Variants in GRP observed in about 807,000 individuals in gnomAD.
The protein encoded by GRP is gastrin-releasing peptide.
GRP carries 11 observed loss-of-function variants against 12.7 expected under a neutral mutation model. The observed-to-expected ratio is 0.87, with a 90% CI of 0.55 to 1.44. The LOEUF (loss-of-function observed/expected upper bound fraction) is 1.44, where lower values mean the gene tolerates loss of function less well. Among genes scored for constraint, GRP ranks in the 40% most tolerant of loss-of-function variants. The probability of loss-of-function intolerance (pLI) is 0.00; values close to 1 mark genes in which losing one functional copy is unlikely to be tolerated. For synonymous variants in GRP, 84 were observed against 77.7 expected (o/e 1.08, Z -0.43); for missense variants, 212 against 185.4 (o/e 1.14, Z -0.83).
chr18:59,225,739 A>T lies in GRP; in HGVS notation c.382+5A>T, dbSNP rs758884714. ...ATGTAGGTTCAAAAGGCAAAGGTAA[A>T]AGAAACATACATGCAAGATGGGGTG... On this transcript the variant is annotated splice_donor_5th_base_variant and intron_variant, in intron 2 of 2. Coordinates refer to ENST00000256857, the MANE Select transcript of GRP (RefSeq NM_002091.5). 6.2e-7 allele frequency: 1 copy of T among 1,613,430 alleles called. No homozygotes were observed. The highest frequency in any genetic ancestry group is 1.3e-5 in the African/African-American group (1 of 74,976).
chr18:59,223,399 C>G (rs1249824936), intron 1 of GRP, among the ~76,000 whole-genome samples: 1 of 152,220 alleles, frequency 6.6e-6, no homozygotes, highest in African/African-American at 2.4e-5. Flanking sequence ...CTCTCCTTAG[C>G]AACCAGTCTA....
At position 59,230,444 on chromosome 18, in the gene GRP, G is replaced by A; in HGVS notation, c.423G>A (p.Arg141=). ...CTCCAGGTTCTCAACGTGAAGGAAG[G>A]AACCCCCAGCTGAACCAGCAATGAT... ...LSAPGSQREG[R]NPQLNQQ is the part of the protein sequence containing the mutation. The change falls in exon 3 of 3, where the codon AGG becomes AGA. Residue 141 remains arginine, a synonymous_variant. Transcript: ENST00000256857. 6.3e-7 allele frequency: 1 copy of A among 1,589,000 alleles called. No individual in the cohort carries two copies.
In GRP at chr18:59,228,446, T is replaced by A. The variant is rs969443545; in HGVS notation, c.383-1958T>A. Among the ~76,000 whole-genome samples the A allele has an allele frequency of 3.0e-4, 46 of 152,204 alleles. 1 individual carries two copies. Among genetic ancestry groups the A allele is most frequent in the Non-Finnish European group, 1.5e-4 (10 of 68,042 alleles). On this transcript the variant is annotated intron_variant, in intron 2 of 2. Transcript: ENST00000256857. ...AATTAAAAACTATCTACATATGCTCTCCTCTCTCATTTTAGTAATAAAACA... is the reference window on the plus strand; with the variant it reads ...AATTAAAAACTATCTACATATGCTCACCTCTCTCATTTTAGTAATAAAACA...
At chr18:59,219,935 C>A (rs1237108709), upstream of GRP, among the ~76,000 whole-genome samples, 2 of 152,106 alleles carry the variant, frequency 1.3e-5, no homozygotes, top group African/African-American at 4.8e-5. Context: ...AGGAATTAAT[C>A]CGATGTGGGG....
intron 2 of GRP, among the ~76,000 whole-genome samples, chr18:59,229,455 T>A (rs943367413): frequency 6.6e-6 from 1 of 152,102 alleles, no homozygotes; most frequent in African/African-American, 2.4e-5. Flanking sequence ...GCAGCAGGCT[T>A]TAATAGGGCA....
chr18:59,227,427 T>C (rs948308958), intron 2 of GRP, among the ~76,000 whole-genome samples: 1 of 152,184 alleles, frequency 6.6e-6, no homozygotes, highest in Non-Finnish European at 1.5e-5. Context: ...GATCCCATAC[T>C]CTGAGGGTTC....
upstream of GRP, chr18:59,220,119 C>CCG: frequency 8.4e-5 from 33 of 390,752 alleles, no homozygotes; most frequent in Middle Eastern, 7.7e-4. Context: ...CCCCCCCGCC[C>CCG]GGGCTTCCAT....
chr18:59,224,223 AT>A (rs2069879118), intron 1 of GRP, among the ~76,000 whole-genome samples: 38 of 152,338 alleles, frequency 2.5e-4, no homozygotes, highest in Admixed American at 2.3e-3. Context: ...GCTTACATCT[AT>A]GTGACCTCTG....
At chr18:59,230,080 C>T (rs961018127) in intron 2 of GRP, among the ~76,000 whole-genome samples, 3 of 152,156 alleles carry the variant, frequency 2.0e-5, no homozygotes, top group African/African-American at 4.8e-5. Flanking sequence ...CCTGAGTAAT[C>T]ATATCAGGAT....
At chr18:59,219,532 A>T, upstream of GRP, among the ~76,000 whole-genome samples, 1 of 17,052 alleles carries the variant, frequency 5.9e-5, no homozygotes, top group East Asian at 2.5e-3. Flanking sequence ...AGGAGGGGAG[A>T]GGAGGGGAAG....
At chr18:59,228,739 T>G (rs1402795275) in intron 2 of GRP, among the ~76,000 whole-genome samples, 2 of 152,218 alleles carry the variant, frequency 1.3e-5, no homozygotes, top group African/African-American at 4.8e-5. Context: ...CCCCATGGTT[T>G]CTGCAACATG....
At position 59,230,448 on chromosome 18, in the gene GRP, C is replaced by A. The variant is rs1204800563; in HGVS notation, c.427C>A (p.Pro143Thr). Reference sequence around the variant, plus strand: ...AGGTTCTCAACGTGAAGGAAGGAACCCCCAGCTGAACCAGCAATGATAATG... The same window carrying A: ...AGGTTCTCAACGTGAAGGAAGGAACACCCAGCTGAACCAGCAATGATAATG... The part of the protein sequence containing the change: ...APGSQREGRN[P>T]QLNQQ The change falls in exon 3 of 3, where the codon CCC (proline) becomes ACC (threonine). Residue 143 changes from proline to threonine, a missense_variant. Physicochemically the swap from Pro to Thr is conservative, Grantham distance 38 (BLOSUM62 -1). Coordinates refer to ENST00000256857, the MANE Select transcript of GRP (RefSeq NM_002091.5). The A allele has an allele frequency of 6.3e-7, 1 of 1,594,580 alleles. No homozygotes were observed. Among genetic ancestry groups the A allele is most frequent in the Non-Finnish European group, 8.6e-7 (1 of 1,162,138 alleles).
At chr18:59,227,984 TA>T (rs145346957) in intron 2 of GRP, among the ~76,000 whole-genome samples, 7,126 of 152,150 alleles carry the variant, frequency 0.047, 308 homozygotes, top group African/African-American at 0.11. Context: ...AAAAAGATGA[TA>T]AAAAAAATCA....
chr18:59,223,130 T>G (rs779058314), intron 1 of GRP, among the ~76,000 whole-genome samples: 75 of 152,346 alleles, frequency 4.9e-4, no homozygotes, highest in Middle Eastern at 3.4e-3. Flanking sequence ...AGTAGTATCT[T>G]TAAATGATTA....
chr18:59,220,323 C>G lies in GRP; in HGVS notation c.58C>G (p.Arg20Gly). 6.7e-7 allele frequency: 1 copy of G among 1,496,358 alleles called. No homozygotes were observed. Among genetic ancestry groups the G allele is most frequent in the Non-Finnish European group, 8.9e-7 (1 of 1,126,766 alleles). The allele number at this position is 1,496,358 out of a possible 1,614,324, so 92.7% of individuals were successfully genotyped here. ...GGCGCTGGTCCTCTGCCTGGCGCCC[C>G]GGGGGCGAGCGGTCCCGCTGCCTGC... Reference protein sequence around the residue: ...LLALVLCLAPRGRAVPLPAGG... With the variant: ...LLALVLCLAPGGRAVPLPAGG... The change falls in exon 1 of 3, where the codon CGG becomes GGG. Residue 20 changes from arginine to glycine, a missense_variant. Coordinates refer to ENST00000256857, the MANE Select transcript of GRP (RefSeq NM_002091.5).
intron 2 of GRP, among the ~76,000 whole-genome samples, chr18:59,230,045 A>G (rs1013273541): frequency 4.6e-5 from 7 of 152,230 alleles, no homozygotes; most frequent in African/African-American, 1.2e-4. Flanking sequence ...GGGATAATAC[A>G]TTAACCAACA....
At chr18:59,223,280 G>A (rs747411727) in intron 1 of GRP, among the ~76,000 whole-genome samples, 4 of 152,190 alleles carry the variant, frequency 2.6e-5, no homozygotes, top group South Asian at 2.1e-4. Flanking sequence ...GGAAGTGGGC[G>A]TATCATCCAT....
In GRP at chr18:59,230,621, C is replaced by T. The variant is rs771347977; in HGVS notation, c.*153C>T. 16 of 603,146 alleles carry T rather than the reference C, an allele frequency of 2.7e-5. No homozygotes were observed. Among genetic ancestry groups the T allele is most frequent in the Non-Finnish European group, 4.5e-5 (15 of 333,670 alleles). 37.4% of individuals were successfully genotyped at this position (603,146 alleles called of 1,614,324 possible). A position where few individuals can be genotyped will look rare whatever the true frequency, so the allele number is the denominator to read the frequency against. On this transcript the variant is annotated 3_prime_UTR_variant, in exon 3 of 3. Coordinates refer to ENST00000256857, the MANE Select transcript of GRP (RefSeq NM_002091.5). ...CTTGACTAAATTCGTGATTTTCAAG[C>T]AGCATCTTCTGGTTTAAACTTGTTT...
intron 1 of GRP, among the ~76,000 whole-genome samples, chr18:59,225,051 T>C (rs1014193954): frequency 1.3e-5 from 2 of 152,232 alleles, no homozygotes; most frequent in Non-Finnish European, 2.9e-5. Flanking sequence ...AATTCAAAAT[T>C]GGCTGGGGAA....
Sources: allele counts gnomAD v4.1 joint callset (sites outside exome capture counted in the v4.1 genomes callset), GRCh38; gene constraint gnomAD v4.1.1; transcripts MANE v1.5; gene names NCBI Gene and HGNC (gene_info 2026-07-23, HGNC 2026-07-21).